Variants in ABTB3 observed in about 807,000 individuals in gnomAD.
ABTB3 encodes the protein ankyrin repeat and BTB domain containing 3.
the ABTB3 span, among the ~76,000 whole-genome samples, chr12:107,453,276 G>C: frequency 6.6e-6 from 1 of 152,134 alleles, no homozygotes; most frequent in Non-Finnish European, 1.5e-5. Context: ...GATGATGGGA[G>C]GTTGCTATAG....
the ABTB3 span, among the ~76,000 whole-genome samples, chr12:107,624,960 A>C: frequency 1.3e-5 from 2 of 152,084 alleles, no homozygotes; most frequent in African/African-American, 4.8e-5. Context: ...GAAAAGACTG[A>C]GTAATTCAGT....
chr12:107,544,022 G>A, the ABTB3 span: 3 of 1,613,964 alleles, frequency 1.9e-6, no homozygotes, highest in Non-Finnish European at 2.5e-6. Flanking sequence ...CACAAGCAGG[G>A]GGCACTGTAC....
the ABTB3 span, among the ~76,000 whole-genome samples, chr12:107,538,922 C>T: frequency 1.3e-5 from 2 of 152,164 alleles, no homozygotes; most frequent in African/African-American, 4.8e-5. Context: ...TTAAGGGCCA[C>T]ACTCAAAACT....
At chr12:107,371,088 C>G in the ABTB3 span, among the ~76,000 whole-genome samples, 948 of 152,126 alleles carry the variant, frequency 6.2e-3, 9 homozygotes, top group African/African-American at 0.021. Context: ...TTCCCTTCCC[C>G]CCAACCTTAT....
the ABTB3 span, among the ~76,000 whole-genome samples, chr12:107,469,944 C>T: frequency 3.1e-4 from 11 of 35,638 alleles, 1 homozygote; most frequent in South Asian, 1.1e-3. Context: ...CTTTCTTTCT[C>T]TTTCTTTCTT....
the ABTB3 span, among the ~76,000 whole-genome samples, chr12:107,366,681 T>A: frequency 6.6e-6 from 1 of 152,148 alleles, no homozygotes; most frequent in Non-Finnish European, 1.5e-5. Flanking sequence ...GCAAACATGG[T>A]TTACTATTAA....
the ABTB3 span, among the ~76,000 whole-genome samples, chr12:107,656,991 C>T: frequency 6.6e-5 from 10 of 152,004 alleles, no homozygotes; most frequent in South Asian, 4.2e-4. Context: ...TGCAGTGAGC[C>T]GAGATCATGC....
the ABTB3 span, among the ~76,000 whole-genome samples, chr12:107,574,843 G>T: frequency 2.6e-5 from 4 of 152,178 alleles, no homozygotes; most frequent in African/African-American, 9.7e-5. Context: ...AAGAAGCACT[G>T]ACCTAGAACA....
chr12:107,553,283 T>C, the ABTB3 span, among the ~76,000 whole-genome samples: 1 of 152,196 alleles, frequency 6.6e-6, no homozygotes, highest in African/African-American at 2.4e-5. Context: ...CTGCTCTAAA[T>C]ACTTTATGTG....
the ABTB3 span, among the ~76,000 whole-genome samples, chr12:107,589,375 A>G: frequency 6.6e-6 from 1 of 152,216 alleles, no homozygotes; most frequent in Admixed American, 6.5e-5. Context: ...CACTGCTGGA[A>G]GAAAATCAGC....
the ABTB3 span, among the ~76,000 whole-genome samples, chr12:107,388,071 C>G: frequency 6.7e-6 from 1 of 149,156 alleles, no homozygotes; most frequent in Non-Finnish European, 1.5e-5. Flanking sequence ...CTCTCAGGTT[C>G]AAGTGATTCT....
chr12:107,452,202 A>ATTT, the ABTB3 span, among the ~76,000 whole-genome samples: 305 of 110,162 alleles, frequency 2.8e-3, no homozygotes, highest in Non-Finnish European at 3.8e-3. Context: ...GCCCATATGA[A>ATTT]TTTTTTTTTT....
the ABTB3 span, among the ~76,000 whole-genome samples, chr12:107,608,796 A>G: frequency 6.6e-6 from 1 of 151,752 alleles, no homozygotes; most frequent in African/African-American, 2.4e-5. Flanking sequence ...ACTTGAGCCC[A>G]GGAGTCTGAG....
At chr12:107,482,936 CT>C in the ABTB3 span, among the ~76,000 whole-genome samples, 3 of 15,474 alleles carry the variant, frequency 1.9e-4, no homozygotes, top group Non-Finnish European at 4.1e-4. Flanking sequence ...TTCTTTCTTT[CT>C]TTCTTTCTTT....
the ABTB3 span, among the ~76,000 whole-genome samples, chr12:107,542,411 G>A: frequency 6.6e-6 from 1 of 151,934 alleles, no homozygotes; most frequent in South Asian, 2.1e-4. Context: ...AGTAGGACAG[G>A]GCAAGTGCAT....
At chr12:107,508,916 G>T in the ABTB3 span, among the ~76,000 whole-genome samples, 2 of 152,130 alleles carry the variant, frequency 1.3e-5, no homozygotes, top group Non-Finnish European at 2.9e-5. Context: ...TGCTCCTGGG[G>T]GCTAATTGAT....
chr12:107,582,612 A>C, the ABTB3 span, among the ~76,000 whole-genome samples: 3 of 152,206 alleles, frequency 2.0e-5, no homozygotes, highest in Non-Finnish European at 4.4e-5. Context: ...TTGCAACAAA[A>C]GATTTCTCTC....
At chr12:107,649,284 C>G in the ABTB3 span, 2 of 1,610,894 alleles carry the variant, frequency 1.2e-6, no homozygotes, top group African/African-American at 2.7e-5. Context: ...GGTAAGGGAT[C>G]CATTGTGGTG....
the ABTB3 span, among the ~76,000 whole-genome samples, chr12:107,469,994 T>TCTCTCTCTCTCTCTC: frequency 1.6e-5 from 1 of 64,062 alleles, no homozygotes; most frequent in African/African-American, 1.1e-4. Flanking sequence ...CTTTCTTTCT[T>TCTCTCTCTCTCTCTC]TCTTTCTTTC....
Sources: gnomAD v4.1 joint callset for allele counts (sites outside exome capture counted in the v4.1 genomes callset) on GRCh38, gnomAD v4.1.1 for gene constraint, MANE v1.5 for transcripts, NCBI Gene and HGNC (gene_info 2026-07-23, HGNC 2026-07-21) for gene names.